MYO9A: variants seen among roughly 807,000 people sequenced by gnomAD.
MYO9A encodes myosin IXA.
MYO9A carries 103 observed loss-of-function variants against 293.3 expected under a neutral mutation model. The observed-to-expected ratio is 0.35, with a 90% CI of 0.30 to 0.41. The LOEUF is 0.41. MYO9A is among the 10% of genes least tolerant of loss of function. The probability of loss-of-function intolerance (pLI) is 1.00; values close to 1 mark genes in which losing one functional copy is unlikely to be tolerated. For synonymous variants in MYO9A, 1,001 were observed against 1,035.7 expected (o/e 0.97, Z 0.64); for missense variants, 2,685 against 3,033.0 (o/e 0.89, Z 2.69).
At chr15:72,067,054 A>C (rs1306095722) in intron 1 of MYO9A, among the ~76,000 whole-genome samples, 2 of 147,864 alleles carry the variant, frequency 1.4e-5, no homozygotes, top group African/African-American at 4.9e-5. Flanking sequence ...ACATTATATA[A>C]TATATAGGTA....
intron 1 of MYO9A, among the ~76,000 whole-genome samples, chr15:72,112,488 T>C (rs1257923067): frequency 6.6e-6 from 1 of 152,226 alleles, no homozygotes; most frequent in African/African-American, 2.4e-5. Flanking sequence ...CTTTGTTCTA[T>C]CATATTATTT....
At chr15:71,880,635 G>A in intron 28 of MYO9A, 77 bp from the exon 29 acceptor site, 3 of 1,311,624 alleles carry the variant, frequency 2.3e-6, no homozygotes, top group East Asian at 2.3e-5. Context: ...TCTTTTTAAA[G>A]TTCCTTTAAC....
intron 28 of MYO9A, among the ~76,000 whole-genome samples, chr15:71,880,827 T>A (rs540630488): frequency 2.6e-5 from 4 of 152,244 alleles, no homozygotes; most frequent in Non-Finnish European, 4.4e-5. Context: ...ATTAAAAACC[T>A]GGATAGAAAT....
chr15:72,112,842 T>C (rs1312062715), intron 1 of MYO9A, among the ~76,000 whole-genome samples: 1 of 152,214 alleles, frequency 6.6e-6, no homozygotes, highest in East Asian at 1.9e-4. Flanking sequence ...TATCTTGATG[T>C]AGATGTTAGT....
Position 72,046,056 on chromosome 15 carries a change from A to G in MYO9A, c.508T>C (p.Phe170Leu), listed in dbSNP as rs1012440887. The G allele has an allele frequency of 2.5e-6, 4 of 1,613,598 alleles. No homozygotes were observed. The highest frequency in any genetic ancestry group is 3.4e-6 in the Non-Finnish European group (4 of 1,179,844). The change falls in exon 2 of 42, where the codon TTT (phenylalanine) becomes CTT (leucine). Residue 170 changes from phenylalanine to leucine, a missense_variant. Coordinates refer to ENST00000356056, the MANE Select transcript of MYO9A (RefSeq NM_006901.4). ...KTLLENLRNR[F>L]KHEKIYTYVG... is the part of the protein sequence containing the mutation. ...TAGGTATAAATTTTTTCATGCTTAA[A>G]GCGATTTCGTAGGTTTTCTAAGAGA...
At position 71,826,097 on chromosome 15, in the gene MYO9A, TGTAA is replaced by T. The variant is rs538576161; in HGVS notation, c.*479_*482del. 6.6e-6 allele frequency: 1 copy of T among 152,032 alleles called. No individual in the cohort carries two copies. The highest frequency in any genetic ancestry group is 1.5e-5 in the Non-Finnish European group (1 of 68,148). 9.4% of individuals were successfully genotyped at this position (152,032 alleles called of 1,614,324 possible). A position where few individuals can be genotyped will look rare whatever the true frequency, so the allele number is the denominator to read the frequency against. On this transcript the variant is annotated 3_prime_UTR_variant, in exon 42 of 42. Coordinates refer to ENST00000356056, the MANE Select transcript of MYO9A (RefSeq NM_006901.4). Reference sequence around the variant, plus strand: ...AAATAGAGGGATTAGGCTTTTTGTTTGTAAGTAAGTTTTTGGAAAAAAATTATAT... The same window carrying T: ...AAATAGAGGGATTAGGCTTTTTGTTTGTAAGTTTTTGGAAAAAAATTATAT...
chr15:72,008,873 C>G (rs542107664), intron 7 of MYO9A, among the ~76,000 whole-genome samples: 2 of 152,090 alleles, frequency 1.3e-5, no homozygotes, highest in South Asian at 4.1e-4. Flanking sequence ...CAAAATTTGG[C>G]TTATGAAAAT....
At chr15:71,971,908 G>A (rs1216051080) in intron 12 of MYO9A, among the ~76,000 whole-genome samples, 2 of 151,798 alleles carry the variant, frequency 1.3e-5, no homozygotes, top group Non-Finnish European at 2.9e-5. Flanking sequence ...TAGGCCTCAG[G>A]AGCAGGCCTC....
chr15:71,865,078 T>TG (rs2056278986), intron 32 of MYO9A, among the ~76,000 whole-genome samples: 2 of 152,316 alleles, frequency 1.3e-5, no homozygotes, highest in Admixed American at 1.3e-4. Flanking sequence ...ATTCACTAAA[T>TG]TAAACTTCCA....
intron 35 of MYO9A, among the ~76,000 whole-genome samples, chr15:71,853,916 A>T (rs74545441): frequency 5.4e-4 from 82 of 152,340 alleles, no homozygotes; most frequent in African/African-American, 1.9e-3. Context: ...CAATTTGGTC[A>T]CTTATTGGCG....
intron 1 of MYO9A, among the ~76,000 whole-genome samples, chr15:72,101,480 C>G (rs556060451): frequency 8.0e-5 from 10 of 124,332 alleles, no homozygotes; most frequent in African/African-American, 3.0e-4. Flanking sequence ...GGTCAGCCCC[C>G]CGCCCGGCCA....
intron 26 of MYO9A, chr15:71,893,315 T>C (rs956495901): frequency 3.4e-6 from 2 of 595,150 alleles, no homozygotes; most frequent in Non-Finnish European, 5.0e-6. Context: ...CCCTTTCCAC[T>C]AGCAGAAGTG....
chr15:72,100,865 G>A (rs1186505454), intron 1 of MYO9A, among the ~76,000 whole-genome samples: 1 of 148,868 alleles, frequency 6.7e-6, no homozygotes, highest in African/African-American at 2.5e-5. Flanking sequence ...GTCCGGGAGG[G>A]AGGTGGGGGG....
At chr15:71,840,375 G>A (rs1016700934) in intron 39 of MYO9A, among the ~76,000 whole-genome samples, 2 of 152,140 alleles carry the variant, frequency 1.3e-5, no homozygotes, top group Non-Finnish European at 1.5e-5. Context: ...CCCACACGAG[G>A]ATGATCTTAG....
intron 33 of MYO9A, 144 bp downstream of exon 33, chr15:71,862,356 T>C: frequency 1.6e-6 from 1 of 632,698 alleles, no homozygotes; most frequent in Admixed American, 3.0e-5. Context: ...AGACAAAGAG[T>C]AGGTGAAGAG....
intron 11 of MYO9A, among the ~76,000 whole-genome samples, chr15:71,985,173 G>A (rs1469279677): frequency 6.6e-6 from 1 of 152,118 alleles, no homozygotes; most frequent in Non-Finnish European, 1.5e-5. Context: ...ACCTGCCTCA[G>A]CCCCCTAAAG....
intron 9 of MYO9A, among the ~76,000 whole-genome samples, chr15:71,998,563 GTCT>G (rs2076770950): frequency 0.032 from 844 of 26,480 alleles, 13 homozygotes; most frequent in African/African-American, 0.068. Context: ...TTTTTTTTTT[GTCT>G]TTTTTTTTCT....
intron 18 of MYO9A, among the ~76,000 whole-genome samples, chr15:71,932,547 C>T (rs977729647): frequency 2.6e-5 from 4 of 151,400 alleles, no homozygotes; most frequent in African/African-American, 9.7e-5. Flanking sequence ...TTTCTTTGCC[C>T]ATTGGCTACT....
chr15:71,986,928 A>T (rs2076421682), intron 11 of MYO9A, among the ~76,000 whole-genome samples: 1 of 152,190 alleles, frequency 6.6e-6, no homozygotes, highest in African/African-American at 2.4e-5. Context: ...CCACTCACCC[A>T]ACATCTCACC....
Sources: gnomAD v4.1 joint callset for allele counts (sites outside exome capture counted in the v4.1 genomes callset) on GRCh38, gnomAD v4.1.1 for gene constraint, MANE v1.5 for transcripts, NCBI Gene and HGNC (gene_info 2026-07-23, HGNC 2026-07-21) for gene names.